CSNK2A2IP: variants seen among roughly 807,000 people sequenced by gnomAD.
CSNK2A2IP encodes the protein casein kinase II subunit alpha'-interacting protein.
At chr3:88,347,275 A>T in the CSNK2A2IP span, among the ~76,000 whole-genome samples, 3 of 152,070 alleles carry the variant, frequency 2.0e-5, no homozygotes, top group Admixed American at 2.0e-4. Flanking sequence ...AACTTAGTTG[A>T]TAAAGCAGTA....
At chr3:88,367,407 A>T in the CSNK2A2IP span, among the ~76,000 whole-genome samples, 1 of 152,098 alleles carries the variant, frequency 6.6e-6, no homozygotes, top group Non-Finnish European at 1.5e-5. Context: ...AGCAGTAAAG[A>T]TAATGCTTGA....
the CSNK2A2IP span, among the ~76,000 whole-genome samples, chr3:88,353,236 C>T: frequency 1.1e-4 from 16 of 152,154 alleles, no homozygotes; most frequent in African/African-American, 3.9e-4. Context: ...ATTCAACAAA[C>T]TTGTACTTAT....
At chr3:88,379,916 C>G in the CSNK2A2IP span, among the ~76,000 whole-genome samples, 14 of 152,028 alleles carry the variant, frequency 9.2e-5, no homozygotes, top group African/African-American at 3.1e-4. Flanking sequence ...ACAACTTCCG[C>G]AGAAGTGATT....
At chr3:88,354,452 A>C in the CSNK2A2IP span, among the ~76,000 whole-genome samples, 1 of 152,198 alleles carries the variant, frequency 6.6e-6, no homozygotes, top group Non-Finnish European at 1.5e-5. Flanking sequence ...AGGAATGCTG[A>C]ACAGAAGCAT....
At chr3:88,458,804 A>G in the CSNK2A2IP span, among the ~76,000 whole-genome samples, 6 of 152,170 alleles carry the variant, frequency 3.9e-5, no homozygotes, top group Non-Finnish European at 7.4e-5. Context: ...GTATTCACAG[A>G]TATTTCTGGT....
chr3:88,439,757 A>AAG, the CSNK2A2IP span, among the ~76,000 whole-genome samples: 40 of 151,242 alleles, frequency 2.6e-4, no homozygotes, highest in South Asian at 7.3e-3. Flanking sequence ...AAAAAAAAAA[A>AAG]TCATCGAAGA....
the CSNK2A2IP span, among the ~76,000 whole-genome samples, chr3:88,347,154 G>T: frequency 6.6e-6 from 1 of 152,014 alleles, no homozygotes; most frequent in African/African-American, 2.4e-5. Context: ...ACTTGAATGG[G>T]TGAGGAGTTG....
chr3:88,443,097 A>G, the CSNK2A2IP span, among the ~76,000 whole-genome samples: 2 of 152,198 alleles, frequency 1.3e-5, no homozygotes, highest in Admixed American at 1.3e-4. Flanking sequence ...TTATGAAAAT[A>G]ACACAGATGT....
At chr3:88,376,100 C>G in the CSNK2A2IP span, among the ~76,000 whole-genome samples, 1 of 151,720 alleles carries the variant, frequency 6.6e-6, no homozygotes. Flanking sequence ...TAATTTTCTC[C>G]AAAGCCATTT....
the CSNK2A2IP span, among the ~76,000 whole-genome samples, chr3:88,356,967 C>A: frequency 6.7e-6 from 1 of 148,796 alleles, no homozygotes; most frequent in South Asian, 2.3e-4. Flanking sequence ...CTGATAATTA[C>A]TTTTCTAGTG....
chr3:88,465,722 T>G, the CSNK2A2IP span: 1 of 1,231,746 alleles, frequency 8.1e-7, no homozygotes, highest in Non-Finnish European at 1.0e-6. Flanking sequence ...AACTCTCATT[T>G]GTTGCACTCC....
the CSNK2A2IP span, among the ~76,000 whole-genome samples, chr3:88,446,705 C>T: frequency 2.0e-5 from 3 of 152,112 alleles, no homozygotes; most frequent in African/African-American, 7.2e-5. Flanking sequence ...GGTCACGCCA[C>T]TTATGAGATG....
chr3:88,429,509 G>A, the CSNK2A2IP span, among the ~76,000 whole-genome samples: 3 of 152,022 alleles, frequency 2.0e-5, no homozygotes, highest in Non-Finnish European at 4.4e-5. Context: ...CTTTAATTTA[G>A]GGCAGAAAAT....
the CSNK2A2IP span, among the ~76,000 whole-genome samples, chr3:88,346,439 A>C: frequency 6.6e-6 from 1 of 152,022 alleles, no homozygotes; most frequent in Admixed American, 6.6e-5. Flanking sequence ...AAGCTTCAAA[A>C]GACAGGCTGA....
the CSNK2A2IP span, among the ~76,000 whole-genome samples, chr3:88,450,982 T>C: frequency 6.6e-6 from 1 of 152,310 alleles, no homozygotes; most frequent in South Asian, 2.1e-4. Context: ...CAAAAAAATT[T>C]CCTTTATTTC....
the CSNK2A2IP span, among the ~76,000 whole-genome samples, chr3:88,386,291 A>AT: frequency 1.3e-3 from 195 of 151,976 alleles, 2 homozygotes; most frequent in African/African-American, 4.3e-3. Flanking sequence ...TGCCCAGCTA[A>AT]TTTTTTGTAT....
At chr3:88,394,637 G>A in the CSNK2A2IP span, among the ~76,000 whole-genome samples, 24 of 152,334 alleles carry the variant, frequency 1.6e-4, 1 homozygote, top group South Asian at 4.6e-3. Context: ...GCCTCCCAAA[G>A]CACTGGGATT....
At chr3:88,364,788 T>C in the CSNK2A2IP span, among the ~76,000 whole-genome samples, 1 of 152,302 alleles carries the variant, frequency 6.6e-6, no homozygotes, top group East Asian at 1.9e-4. Context: ...AATTTATCTA[T>C]GTGGAAAATA....
At chr3:88,383,275 A>G in the CSNK2A2IP span, among the ~76,000 whole-genome samples, 20 of 152,344 alleles carry the variant, frequency 1.3e-4, no homozygotes, top group Admixed American at 9.1e-4. Flanking sequence ...TAGAAACATT[A>G]TGGACATTGG....
Sources: allele counts gnomAD v4.1 joint callset (sites outside exome capture counted in the v4.1 genomes callset), GRCh38; gene constraint gnomAD v4.1.1; transcripts MANE v1.5; gene names NCBI Gene and HGNC (gene_info 2026-07-23, HGNC 2026-07-21).